ZNF618: variants seen among roughly 807,000 people sequenced by gnomAD.
ZNF618 encodes the protein zinc finger protein 618, also known as neural precursor cell expressed, developmentally down-regulated 10.
ZNF618 carries 34 observed loss-of-function variants against 103.0 expected under a neutral mutation model. The ratio of observed to expected loss-of-function variants is 0.33; its 90% CI spans 0.25 to 0.44. The LOEUF is 0.44. ZNF618 is among the 20% of genes least tolerant of loss of function. The pLI is 1.00. For missense variants in ZNF618, 1,059 were observed against 1,295.4 expected, an observed-to-expected ratio of 0.82 and a Z score of 2.80; for synonymous variants, 551 against 542.2, an observed-to-expected ratio of 1.02 and a Z score of -0.23.
intron 2 of ZNF618, among the ~76,000 whole-genome samples, chr9:113,976,733 A>G (rs959183093): frequency 2.0e-5 from 3 of 152,120 alleles, no homozygotes; most frequent in Non-Finnish European, 4.4e-5. Flanking sequence ...CTCTACTTCC[A>G]TTTATGAGTA....
chr9:114,008,535 A>T lies in ZNF618; in HGVS notation c.735A>T (p.Pro245=). The part of the protein sequence containing the change: ...TDEVKEEPPE[P]FQKIGPKTGN... ...AGGTGAAGGAGGAGCCCCCGGAGCC[A>T]TTCCAGAAAATCGGGCCAAGTATGC... The change falls in exon 9 of 15, where the codon CCA becomes CCT. Residue 245 remains proline, a synonymous_variant. Coordinates refer to ENST00000374126, the MANE Select transcript of ZNF618 (RefSeq NM_001318042.2). 1 of 1,613,984 alleles carries T rather than the reference A, an allele frequency of 6.2e-7. No individual in the cohort carries two copies. The highest frequency in any genetic ancestry group is 1.1e-5 in the South Asian group (1 of 91,074).
At position 113,885,060 on chromosome 9, in the gene ZNF618, G is replaced by T. The variant is rs2130884184; in HGVS notation, c.33+8647G>T. On this transcript the variant is annotated intron_variant, in intron 1 of 14. Transcript: ENST00000374126. ...TGGGGTTGTCATCAAAGCAGGGCTGGATGACCTGCTTCTCTGCCTGATCCT... is the reference window on the plus strand; with the variant it reads ...TGGGGTTGTCATCAAAGCAGGGCTGTATGACCTGCTTCTCTGCCTGATCCT... Among the ~76,000 whole-genome samples the T allele has an allele frequency of 2.6e-5, 4 of 152,286 alleles. No homozygotes were observed. In the Middle Eastern group the frequency reaches 0.01, roughly 388 times the overall value.
At chr9:113,975,873 T>C (rs140611923) in intron 2 of ZNF618, among the ~76,000 whole-genome samples, 18 of 152,220 alleles carry the variant, frequency 1.2e-4, no homozygotes, top group Admixed American at 3.3e-4. Context: ...GGAGTTCAGA[T>C]TTCATTTCTA....
chr9:113,984,286 C>G (rs1296979023), intron 2 of ZNF618, among the ~76,000 whole-genome samples: 3 of 152,194 alleles, frequency 2.0e-5, no homozygotes, highest in Non-Finnish European at 4.4e-5. Flanking sequence ...GAGTCTGACT[C>G]TGCCTCAAGC....
chr9:114,013,688 C>T (rs964740555), intron 9 of ZNF618, among the ~76,000 whole-genome samples: 1 of 152,218 alleles, frequency 6.6e-6, no homozygotes, highest in African/African-American at 2.4e-5. Flanking sequence ...GCCTCGGCCT[C>T]CCAAAGTGCT....
chr9:113,882,141 A>G (rs1828582973), intron 1 of ZNF618, among the ~76,000 whole-genome samples: 1 of 152,186 alleles, frequency 6.6e-6, no homozygotes, highest in Non-Finnish European at 1.5e-5. Context: ...AGCCAAAAAC[A>G]TGGCATCAGC....
At chr9:113,924,589 G>T (rs1832918095) in intron 1 of ZNF618, among the ~76,000 whole-genome samples, 1 of 150,546 alleles carries the variant, frequency 6.6e-6, no homozygotes, top group African/African-American at 2.4e-5. Context: ...GCTTGCCTTT[G>T]GTTTATATTG....
chr9:113,879,864 G>T (rs1474835409), intron 1 of ZNF618, among the ~76,000 whole-genome samples: 1 of 151,774 alleles, frequency 6.6e-6, no homozygotes, highest in Non-Finnish European at 1.5e-5. Context: ...AGCAAGCTAG[G>T]AAAAGAGGTT....
At chr9:113,979,980 A>AG (rs913628139) in intron 2 of ZNF618, among the ~76,000 whole-genome samples, 2 of 152,050 alleles carry the variant, frequency 1.3e-5, no homozygotes, top group African/African-American at 2.4e-5. Flanking sequence ...GACAGGAGAA[A>AG]GGGGGGGTGG....
intron 1 of ZNF618, among the ~76,000 whole-genome samples, chr9:113,937,074 T>C (rs1393733205): frequency 6.6e-6 from 1 of 152,246 alleles, no homozygotes; most frequent in African/African-American, 2.4e-5. Flanking sequence ...TAATGCTATA[T>C]ATGGATGAAA....
In ZNF618 at chr9:113,988,565, A is replaced by G; in HGVS notation, c.322A>G (p.Asn108Asp). 6.2e-7 allele frequency: 1 copy of G among 1,608,518 alleles called. No homozygotes were observed. The highest frequency in any genetic ancestry group is 8.5e-7 in the Non-Finnish European group (1 of 1,179,038). Residue 108 changes from asparagine (N) to aspartate (D), a missense_variant, in exon 3 of 15, where the codon AAC becomes GAC. By Grantham distance (23) the Asn-to-Asp change is conservative (BLOSUM62 1). Around this residue, in one of 6 missense-constraint regions of ZNF618, gnomAD observed 194 missense variants for 209.0 expected, o/e 0.93. Coordinates refer to ENST00000374126, the MANE Select transcript of ZNF618 (RefSeq NM_001318042.2). Reference sequence around the variant, plus strand: ...CTGCGTGGTGATCGGCGGCGTCCGCAACCAGCAGACCCTTGGTGAGTGCCC... The same window carrying G: ...CTGCGTGGTGATCGGCGGCGTCCGCGACCAGCAGACCCTTGGTGAGTGCCC... ...EICVVIGGVRNQQTLDGKAPE... is the reference protein window; with the variant it reads ...EICVVIGGVRDQQTLDGKAPE...
chr9:113,947,558 C>T (rs1835159735), intron 1 of ZNF618, among the ~76,000 whole-genome samples: 1 of 152,226 alleles, frequency 6.6e-6, no homozygotes, highest in South Asian at 2.1e-4. Context: ...CCAGCTCCTA[C>T]AGCCATGTGC....
At chr9:113,880,832 T>C (rs1828452146) in intron 1 of ZNF618, among the ~76,000 whole-genome samples, 1 of 152,244 alleles carries the variant, frequency 6.6e-6, no homozygotes, top group South Asian at 2.1e-4. Flanking sequence ...CTGGACTAGC[T>C]GAACCGCCAT....
At chr9:114,045,761 A>G (rs1186373470) in intron 13 of ZNF618, among the ~76,000 whole-genome samples, 1 of 151,964 alleles carries the variant, frequency 6.6e-6, no homozygotes, top group Non-Finnish European at 1.5e-5. Flanking sequence ...AACAACAACA[A>G]TATGGATTTT....
chr9:113,914,904 T>C (rs1831926535), intron 1 of ZNF618, among the ~76,000 whole-genome samples: 1 of 152,162 alleles, frequency 6.6e-6, no homozygotes, highest in African/African-American at 2.4e-5. Flanking sequence ...AGCACTGGCC[T>C]CCAACCTGAC....
At chr9:113,909,255 C>T (rs183834765) in intron 1 of ZNF618, among the ~76,000 whole-genome samples, 12 of 152,180 alleles carry the variant, frequency 7.9e-5, no homozygotes, top group Non-Finnish European at 1.6e-4. Flanking sequence ...GGCCTGATAC[C>T]TGCAGCTCAG....
At chr9:113,914,598 A>G (rs1317666015) in intron 1 of ZNF618, among the ~76,000 whole-genome samples, 1 of 152,146 alleles carries the variant, frequency 6.6e-6, no homozygotes, top group Non-Finnish European at 1.5e-5. Flanking sequence ...TCTTCAGGGG[A>G]AGAGCTCTAA....
At chr9:113,910,319 T>C (rs1193580418) in intron 1 of ZNF618, among the ~76,000 whole-genome samples, 2 of 152,156 alleles carry the variant, frequency 1.3e-5, no homozygotes, top group Non-Finnish European at 2.9e-5. Flanking sequence ...AGCTTCTAAT[T>C]CCAGGTCTGT....
intron 12 of ZNF618, chr9:114,035,222 C>T (rs1174777416): frequency 1.0e-6 from 1 of 986,068 alleles, no homozygotes; most frequent in Non-Finnish European, 1.2e-6. Flanking sequence ...CCAACCCTTT[C>T]CCTCTCCTAC....
Sources: allele counts gnomAD v4.1 joint callset (sites outside exome capture counted in the v4.1 genomes callset), GRCh38; gene constraint gnomAD v4.1.1; regional missense constraint gnomAD v4.1.1; transcripts MANE v1.5; gene names NCBI Gene and HGNC (gene_info 2026-07-23, HGNC 2026-07-21).